The following CCBE1 variants were observed in gnomAD, a reference collection of about 807,000 sequenced individuals.
CCBE1 encodes the protein collagen and calcium-binding EGF domain-containing protein 1.
CCBE1 carries 37 observed loss-of-function variants against 50.0 expected under a neutral mutation model. The observed-to-expected ratio is 0.74, with a 90% CI of 0.57 to 0.97. The LOEUF (loss-of-function observed/expected upper bound fraction) is 0.97, where lower values mean the gene tolerates loss of function less well. CCBE1 is among the 50% of genes least tolerant of loss of function. The pLI, the probability that CCBE1 is intolerant of heterozygous loss-of-function variation, is 0.00. For missense variants in CCBE1, 538 were observed against 523.8 expected (o/e 1.03, Z -0.26); for synonymous variants, 234 against 203.7 (o/e 1.15, Z -1.27).
intron 2 of CCBE1, among the ~76,000 whole-genome samples, chr18:59,647,717 A>G (rs1474853199): frequency 1.3e-5 from 2 of 152,222 alleles, no homozygotes; most frequent in Non-Finnish European, 2.9e-5. Context: ...AGGTACTTAT[A>G]AGGAGAGAAG....
intron 2 of CCBE1, among the ~76,000 whole-genome samples, chr18:59,573,744 A>G (rs1290426189): frequency 6.6e-6 from 1 of 152,114 alleles, no homozygotes; most frequent in Non-Finnish European, 1.5e-5. Context: ...TTGCTGTACT[A>G]TCATTACTAC....
chr18:59,614,033 G>C (rs2053606228), intron 2 of CCBE1, among the ~76,000 whole-genome samples: 1 of 151,954 alleles, frequency 6.6e-6, no homozygotes, highest in Non-Finnish European at 1.5e-5. Flanking sequence ...ACTTGAGGTG[G>C]AGTCTCGCTC....
chr18:59,662,322 G>A (rs1599113359), intron 2 of CCBE1, among the ~76,000 whole-genome samples: 1 of 152,190 alleles, frequency 6.6e-6, no homozygotes, highest in African/African-American at 2.4e-5. Flanking sequence ...GACCATGAAA[G>A]TTCTGTACTG....
At chr18:59,436,707 G>A (rs951592332) in intron 10 of CCBE1, among the ~76,000 whole-genome samples, 4 of 152,100 alleles carry the variant, frequency 2.6e-5, no homozygotes, top group African/African-American at 4.8e-5. Flanking sequence ...GGTGGCTCAC[G>A]CCTATAATCC....
At chr18:59,578,978 A>G (rs918233846) in intron 2 of CCBE1, among the ~76,000 whole-genome samples, 2 of 152,100 alleles carry the variant, frequency 1.3e-5, no homozygotes, top group African/African-American at 2.4e-5. Context: ...TTTTTATCAG[A>G]AAAAAAATGT....
intron 10 of CCBE1, among the ~76,000 whole-genome samples, chr18:59,437,604 C>T (rs997017747): frequency 3.9e-5 from 6 of 152,204 alleles, no homozygotes; most frequent in Non-Finnish European, 8.8e-5. Flanking sequence ...TTGAATACTA[C>T]TATTTCTCAT....
intron 6 of CCBE1, among the ~76,000 whole-genome samples, chr18:59,452,480 G>A (rs1009915077): frequency 2.0e-5 from 3 of 152,176 alleles, no homozygotes; most frequent in African/African-American, 7.2e-5. Context: ...TGTAATCCCA[G>A]CTACCCGGGA....
chr18:59,494,832 G>A (rs1446646863), intron 2 of CCBE1, among the ~76,000 whole-genome samples: 1 of 152,150 alleles, frequency 6.6e-6, no homozygotes, highest in African/African-American at 2.4e-5. Flanking sequence ...CCTGCAGCAT[G>A]GCAGATGAAG....
intron 2 of CCBE1, among the ~76,000 whole-genome samples, chr18:59,543,834 C>CAAAAAAAAAAAAAAAAAAAAAAA (rs10678902): frequency 1.3e-4 from 9 of 68,996 alleles, no homozygotes; most frequent in African/African-American, 6.5e-4. Flanking sequence ...GACTCCGTCT[C>CAAAAAAAAAAAAAAAAAAAAAAA]AAAAAAAAAA....
intron 6 of CCBE1, among the ~76,000 whole-genome samples, chr18:59,453,765 CAAG>C (rs1415908728): frequency 7.9e-5 from 12 of 152,204 alleles, no homozygotes; most frequent in African/African-American, 2.9e-4. Context: ...ACAAACAAAA[CAAG>C]AAGATGTTTT....
chr18:59,666,215 A>G (rs1199269493), intron 2 of CCBE1: 2 of 152,130 alleles, frequency 1.3e-5, no homozygotes, highest in African/African-American at 2.4e-5. Context: ...ATCTCGTGAG[A>G]CTTATTCATT....
chr18:59,584,970 A>C (rs1295860375), intron 2 of CCBE1, among the ~76,000 whole-genome samples: 1 of 152,098 alleles, frequency 6.6e-6, no homozygotes, highest in South Asian at 2.1e-4. Flanking sequence ...GCAAGTTAAC[A>C]GTTTCCTATT....
chr18:59,457,012 C>T (rs780359749), intron 5 of CCBE1, among the ~76,000 whole-genome samples: 20 of 152,198 alleles, frequency 1.3e-4, no homozygotes, highest in African/African-American at 1.9e-4. Flanking sequence ...TGTGTAGTTG[C>T]GTTTCCACAA....
intron 2 of CCBE1, among the ~76,000 whole-genome samples, chr18:59,555,652 C>CTT: frequency 6.6e-6 from 1 of 152,292 alleles, no homozygotes; most frequent in Non-Finnish European, 1.5e-5. Flanking sequence ...TGCCAACAAC[C>CTT]CTGGGGTCTT....
chr18:59,583,807 CA>C (rs777569299), intron 2 of CCBE1, among the ~76,000 whole-genome samples: 2 of 152,128 alleles, frequency 1.3e-5, no homozygotes, highest in Non-Finnish European at 2.9e-5. Context: ...ACCCTTTAAA[CA>C]AACTGATATG....
rs1292066668 is a variant in CCBE1, at chr18:59,439,784, G to A, written c.808C>T (p.Pro270Ser). The change falls in exon 8 of 11, where the codon CCC (proline) becomes TCC (serine). Residue 270 changes from proline to serine, a missense_variant. Physicochemically the swap from Pro to Ser is moderately conservative, Grantham distance 74 (BLOSUM62 -1). Transcript: ENST00000439986. ...SPGPKGSPGF[P>S]GMPGPPGQPG... Reference sequence around the variant, plus strand: ...TGCCCAGGAGGGCCTGGCATACCGGGGAAGCCTGGGCTTCCCTTTGGTCCT... The same window carrying A: ...TGCCCAGGAGGGCCTGGCATACCGGAGAAGCCTGGGCTTCCCTTTGGTCCT... 1.2e-6 allele frequency: 2 copies of A among 1,614,066 alleles called. No homozygotes were observed. The highest frequency in any genetic ancestry group is 1.7e-6 in the Non-Finnish European group (2 of 1,180,016).
At chr18:59,665,609 A>G (rs76913577) in intron 2 of CCBE1, among the ~76,000 whole-genome samples, 3,244 of 152,276 alleles carry the variant, frequency 0.021, 114 homozygotes, top group African/African-American at 0.074. Flanking sequence ...ACTTCACTGC[A>G]TGTGGACAAG....
intron 2 of CCBE1, among the ~76,000 whole-genome samples, chr18:59,480,845 A>G (rs186421271): frequency 3.7e-4 from 56 of 152,290 alleles, no homozygotes; most frequent in African/African-American, 1.3e-3. Flanking sequence ...CATTCCTAAC[A>G]TAAATATTCA....
At chr18:59,447,605 T>A (rs911425190) in intron 7 of CCBE1, among the ~76,000 whole-genome samples, 3 of 152,198 alleles carry the variant, frequency 2.0e-5, no homozygotes, top group Non-Finnish European at 4.4e-5. Flanking sequence ...TCTGAGTTGT[T>A]AGAATTGGGT....
Sources: allele counts gnomAD v4.1 joint callset (sites outside exome capture counted in the v4.1 genomes callset), GRCh38; gene constraint gnomAD v4.1.1; transcripts MANE v1.5; gene names NCBI Gene and HGNC (gene_info 2026-07-23, HGNC 2026-07-21).